The following SPC25 variants were observed in gnomAD, a reference collection of about 807,000 sequenced individuals.
The protein encoded by SPC25 is SPC25 component of NDC80 kinetochore complex, also known as kinetochore protein Spc25.
In SPC25, 22 loss-of-function variants were observed where a neutral mutation model predicts 29.6. That is an observed-to-expected ratio of 0.74 (90% CI 0.53 to 1.06). The LOEUF (loss-of-function observed/expected upper bound fraction) is 1.06. Among genes scored for constraint, SPC25 ranks in the 50% least tolerant of loss-of-function variants. The probability of loss-of-function intolerance (pLI) is 0.00; values close to 1 mark genes in which losing one functional copy is unlikely to be tolerated. For missense variants in SPC25, 230 were observed against 255.8 expected (o/e 0.90, Z 0.69); for synonymous variants, 91 against 90.4 (o/e 1.01, Z -0.04).
chr2:168,862,756 C>CTTCAT (rs1689545222), intron 4 of SPC25, among the ~76,000 whole-genome samples: 1 of 151,782 alleles, frequency 6.6e-6, no homozygotes, highest in East Asian at 2.0e-4. Context: ...CAGCCTCAAC[C>CTTCAT]TTCTTTATGT....
intron 3 of SPC25, among the ~76,000 whole-genome samples, chr2:168,882,242 C>CT (rs35929670): frequency 6.6e-6 from 1 of 152,160 alleles, no homozygotes; most frequent in South Asian, 2.1e-4. Context: ...TCTTTTACTA[C>CT]TTTTTTAAAA....
intron 6 of SPC25, among the ~76,000 whole-genome samples, chr2:168,872,490 A>C (rs1422543815): frequency 6.6e-6 from 1 of 152,174 alleles, no homozygotes; most frequent in Non-Finnish European, 1.5e-5. Flanking sequence ...GTCTCCAGTG[A>C]AGGTGGTCAA....
At position 168,889,235 on chromosome 2, in the gene SPC25, AT is replaced by A; in HGVS notation, c.189del (p.Glu63AspfsTer21). The A allele has an allele frequency of 6.2e-7, 1 of 1,612,480 alleles. No individual in the cohort carries two copies. Among genetic ancestry groups the A allele is most frequent in the Non-Finnish European group, 8.5e-7 (1 of 1,179,476 alleles). On this transcript the variant is annotated frameshift_variant, in exon 3 of 7. Transcript: ENST00000282074. LOFTEE classifies it high-confidence loss of function. ...ATACTTTTTCACATACGATTTTGAT[AT>A]TCCAGAAACATCTCAACCATTCGTT... is the stretch of plus-strand genomic sequence containing the variant. Reference protein sequence around the residue: ...EEERMVEMFLEYQNQISRQNK... With the variant: ...EEERMVEMFLXYQNQISRQNK...
In SPC25 at chr2:168,877,276, A is replaced by G. The variant is rs1690102446; in HGVS notation, c.308T>C (p.Ile103Thr). 1 of 1,613,592 alleles carries G rather than the reference A, an allele frequency of 6.2e-7. No homozygotes were observed. The highest frequency in any genetic ancestry group is 1.3e-5 in the African/African-American group (1 of 74,900). Residue 103 changes from isoleucine (I) to threonine (T), a missense_variant, in exon 4 of 7, where the codon ATC becomes ACC. Physicochemically the swap from Ile to Thr is moderately conservative, Grantham distance 89 (BLOSUM62 -1). Transcript: ENST00000282074. ...KQELEVLTAN[I>T]QDLKEEYSRK... ...AGAATATTCTTCCTTAAGATCCTGGATATTTGCAGTCAGTACTTCCAATTC... is the reference window on the plus strand; with the variant it reads ...AGAATATTCTTCCTTAAGATCCTGGGTATTTGCAGTCAGTACTTCCAATTC...
At chr2:168,865,044 C>A in intron 4 of SPC25, 6 of 1,503,846 alleles carry the variant, frequency 4.0e-6, no homozygotes, top group Non-Finnish European at 5.4e-6. Flanking sequence ...GAATAAAGTG[C>A]TCTTACCTTT....
At chr2:168,888,455 T>A (rs1300928344) in intron 3 of SPC25, among the ~76,000 whole-genome samples, 2 of 152,130 alleles carry the variant, frequency 1.3e-5, no homozygotes. Context: ...CTTGGGAGGC[T>A]GAGGCAGGAG....
chr2:168,887,785 C>T (rs1384387149), intron 3 of SPC25, among the ~76,000 whole-genome samples: 4 of 152,150 alleles, frequency 2.6e-5, no homozygotes, highest in Admixed American at 2.6e-4. Context: ...TGGAGAAAAA[C>T]ACTGTCAGAG....
At chr2:168,885,278 T>C (rs1690243227) in intron 3 of SPC25, among the ~76,000 whole-genome samples, 1 of 152,146 alleles carries the variant, frequency 6.6e-6, no homozygotes. Context: ...CACAGCATAC[T>C]CTCACCTTCA....
At chr2:168,865,183 G>C (rs1235706537) in intron 4 of SPC25, 1 of 553,998 alleles carries the variant, frequency 1.8e-6, no homozygotes, top group Admixed American at 3.3e-5. Context: ...AGGCTCCTTG[G>C]TTCCTAGAGG....
intron 3 of SPC25, among the ~76,000 whole-genome samples, chr2:168,885,204 T>C (rs979063069): frequency 6.6e-6 from 1 of 152,098 alleles, no homozygotes; most frequent in African/African-American, 2.4e-5. Context: ...TCTCTTTCAA[T>C]CCCTCACTTA....
chr2:168,881,184 C>A (rs1024873972), intron 3 of SPC25, among the ~76,000 whole-genome samples: 1 of 152,130 alleles, frequency 6.6e-6, no homozygotes, highest in African/African-American at 2.4e-5. Flanking sequence ...TTGGCCAGCA[C>A]CTCATTACTC....
At chr2:168,867,878 C>T (rs1481454192), downstream of SPC25, among the ~76,000 whole-genome samples, 2 of 152,264 alleles carry the variant, frequency 1.3e-5, no homozygotes, top group East Asian at 3.8e-4. Flanking sequence ...CAGAACTCTC[C>T]ACCCCAAATC....
intron 6 of SPC25, 120 bp downstream of exon 6, chr2:168,873,465 T>G: frequency 6.1e-6 from 4 of 654,828 alleles, no homozygotes; most frequent in Non-Finnish European, 1.1e-5. Context: ...GAAGCAAGAC[T>G]GAAAAAGGAA....
intron 1 of SPC25, 38 bp downstream of exon 1, chr2:168,890,280 G>T: frequency 1.1e-6 from 1 of 947,644 alleles, no homozygotes. Flanking sequence ...TTGCGACAGG[G>T]GGGCCAAGGA....
intron 3 of SPC25, among the ~76,000 whole-genome samples, chr2:168,877,587 AT>A (rs1222739194): frequency 1.3e-5 from 2 of 152,198 alleles, no homozygotes; most frequent in Admixed American, 6.6e-5. Flanking sequence ...TTTAAAAAAA[AT>A]GAGACAGAAA....
chr2:168,881,712 AC>A (rs1690179748), intron 3 of SPC25, among the ~76,000 whole-genome samples: 1 of 152,228 alleles, frequency 6.6e-6, no homozygotes, highest in Admixed American at 6.5e-5. Context: ...TATCAAATAA[AC>A]CAAACTATCT....
At position 168,889,372 on chromosome 2, in the gene SPC25, G is replaced by A; in HGVS notation, c.133+15C>T. The A allele has an allele frequency of 3.1e-6, 5 of 1,613,950 alleles. No individual in the cohort carries two copies. The highest frequency in any genetic ancestry group is 4.2e-6 in the Non-Finnish European group (5 of 1,179,936). ...GAACAGCAAAACCAGCATGTTACAA[G>A]TTAACACTAGGTACCTGCAAATGCT... On this transcript the variant is annotated intron_variant, in intron 2 of 6. Coordinates refer to ENST00000282074, the MANE Select transcript of SPC25 (RefSeq NM_020675.4).
intron 3 of SPC25, among the ~76,000 whole-genome samples, chr2:168,888,908 T>G (rs1690321032): frequency 6.9e-6 from 1 of 144,622 alleles, no homozygotes; most frequent in Non-Finnish European, 1.5e-5. Context: ...ATTACAGGCA[T>G]GAGCCACTAC....
intron 3 of SPC25, among the ~76,000 whole-genome samples, chr2:168,883,890 C>A (rs552811069): frequency 5.3e-5 from 8 of 151,976 alleles, no homozygotes; most frequent in Non-Finnish European, 1.2e-4. Flanking sequence ...CCTGCTTCAG[C>A]CCCCTGAGCA....
Sources: gnomAD v4.1 joint callset for allele counts (sites outside exome capture counted in the v4.1 genomes callset) on GRCh38, gnomAD v4.1.1 for gene constraint, MANE v1.5 for transcripts, NCBI Gene and HGNC (gene_info 2026-07-23, HGNC 2026-07-21) for gene names.